The following SGCZ variants were observed in gnomAD, a reference collection of about 807,000 sequenced individuals.
SGCZ encodes the protein sarcoglycan zeta, also known as zeta-sarcoglycan.
A neutral mutation model predicts 41.3 loss-of-function variants in SGCZ; 40 were observed. That is an observed-to-expected ratio of 0.97 (90% CI 0.75 to 1.26). The LOEUF is 1.26. Among genes scored for constraint, SGCZ ranks in the 50% most tolerant of loss-of-function variants. SGCZ has a pLI of 0.00. For synonymous variants in SGCZ, 206 were observed against 137.5 expected (o/e 1.50, Z -3.49); for missense variants, 552 against 369.8 (o/e 1.49, Z -4.04).
At chr8:15,200,328 A>G (rs1800852120) in intron 1 of SGCZ, among the ~76,000 whole-genome samples, 1 of 152,196 alleles carries the variant, frequency 6.6e-6, no homozygotes. Context: ...CCTCATTAGA[A>G]TTCTACCAGG....
intron 2 of SGCZ, among the ~76,000 whole-genome samples, chr8:14,545,523 C>A (rs1467286856): frequency 6.6e-6 from 1 of 151,688 alleles, no homozygotes; most frequent in East Asian, 1.9e-4. Context: ...CTAAAAGCAT[C>A]ATATTATTTA....
intron 1 of SGCZ, among the ~76,000 whole-genome samples, chr8:14,645,614 A>AAAT (rs1196082114): frequency 6.6e-6 from 1 of 151,226 alleles, no homozygotes; most frequent in African/African-American, 2.4e-5. Context: ...ATCAGATTGA[A>AAAT]AATGATCTTT....
intron 5 of SGCZ, among the ~76,000 whole-genome samples, chr8:14,146,821 G>A (rs929903440): frequency 7.1e-6 from 1 of 140,566 alleles, no homozygotes; most frequent in Non-Finnish European, 1.5e-5. Flanking sequence ...GCAGTGAGCC[G>A]AGATCCCGCC....
At chr8:15,126,229 A>C (rs1807675665) in intron 1 of SGCZ, among the ~76,000 whole-genome samples, 1 of 152,224 alleles carries the variant, frequency 6.6e-6, no homozygotes, top group African/African-American at 2.4e-5. Flanking sequence ...CACAATGATT[A>C]ATGCTGTATT....
chr8:14,147,771 C>T (rs943595365), intron 5 of SGCZ, among the ~76,000 whole-genome samples: 1 of 152,054 alleles, frequency 6.6e-6, no homozygotes, highest in Admixed American at 6.6e-5. Flanking sequence ...TTTTCCTCAG[C>T]ATGTGGATCA....
chr8:15,123,603 T>C (rs550995109), intron 1 of SGCZ, among the ~76,000 whole-genome samples: 60 of 152,286 alleles, frequency 3.9e-4, no homozygotes, highest in African/African-American at 1.3e-3. Flanking sequence ...AGAACCTGGG[T>C]GTCTTAATAA....
chr8:14,508,110 T>A (rs565011377), intron 2 of SGCZ, among the ~76,000 whole-genome samples: 1 of 152,258 alleles, frequency 6.6e-6, no homozygotes, highest in South Asian at 2.1e-4. Context: ...GGTCACTGTA[T>A]TTGAACTGCA....
intron 4 of SGCZ, among the ~76,000 whole-genome samples, chr8:14,170,258 G>T (rs988310151): frequency 1.3e-5 from 2 of 152,034 alleles, no homozygotes; most frequent in Non-Finnish European, 2.9e-5. Context: ...ATTTCCTGAA[G>T]TAATGCTGTG....
intron 1 of SGCZ, among the ~76,000 whole-genome samples, chr8:15,002,133 C>G (rs1802447637): frequency 6.6e-6 from 1 of 150,692 alleles, no homozygotes; most frequent in South Asian, 2.1e-4. Context: ...ATGTAAGCCA[C>G]AGAACAGCAG....
chr8:15,128,362 G>A (rs533682198), intron 1 of SGCZ, among the ~76,000 whole-genome samples: 31 of 152,320 alleles, frequency 2.0e-4, no homozygotes, highest in Admixed American at 2.0e-3. Flanking sequence ...TTACCTCTGA[G>A]GAATGAAGTC....
At chr8:14,158,549 T>A (rs13269652) in intron 5 of SGCZ, among the ~76,000 whole-genome samples, 4 of 151,834 alleles carry the variant, frequency 2.6e-5, no homozygotes, top group Admixed American at 6.6e-5. Flanking sequence ...CCTTGCATCC[T>A]TCAATCCAAT....
chr8:15,076,549 A>G (rs899341348), intron 1 of SGCZ, among the ~76,000 whole-genome samples: 1 of 152,118 alleles, frequency 6.6e-6, no homozygotes, highest in Admixed American at 6.6e-5. Context: ...TTTGTCAATG[A>G]GATAGGCTTT....
At chr8:15,160,490 T>C (rs76934454) in intron 1 of SGCZ, among the ~76,000 whole-genome samples, 30,567 of 152,146 alleles carry the variant, frequency 0.2, 3,651 homozygotes, top group East Asian at 0.47. Context: ...AGTCCACTAG[T>C]GTAGATGGAC....
At chr8:15,119,153 T>C (rs950420688) in intron 1 of SGCZ, among the ~76,000 whole-genome samples, 3 of 152,118 alleles carry the variant, frequency 2.0e-5, no homozygotes, top group African/African-American at 7.2e-5. Context: ...CTAAAGAAAA[T>C]ATAACACAAT....
intron 5 of SGCZ, among the ~76,000 whole-genome samples, chr8:14,138,668 C>T (rs1803275960): frequency 6.6e-6 from 1 of 152,162 alleles, no homozygotes; most frequent in Non-Finnish European, 1.5e-5. Context: ...GCACCCAATA[C>T]AGGAGCACCC....
chr8:14,258,915 A>G (rs1190330407), intron 3 of SGCZ, among the ~76,000 whole-genome samples: 1 of 152,194 alleles, frequency 6.6e-6, no homozygotes, highest in East Asian at 1.9e-4. Flanking sequence ...GACATTATAA[A>G]TTATGTAGCA....
At chr8:14,615,641 T>C (rs916963334) in intron 1 of SGCZ, among the ~76,000 whole-genome samples, 1 of 152,192 alleles carries the variant, frequency 6.6e-6, no homozygotes, top group African/African-American at 2.4e-5. Context: ...GTAAGAGGTA[T>C]GCTACCTGGG....
At chr8:14,800,257 C>T (rs2246811) in intron 1 of SGCZ, among the ~76,000 whole-genome samples, 54,541 of 151,804 alleles carry the variant, frequency 0.36, 11,600 homozygotes, top group East Asian at 0.5. Flanking sequence ...ATTTTAAATA[C>T]CAAAAAGACA....
intron 1 of SGCZ, among the ~76,000 whole-genome samples, chr8:14,764,172 A>G (rs1363404399): frequency 6.6e-6 from 1 of 152,242 alleles, no homozygotes; most frequent in Admixed American, 6.5e-5. Context: ...AAAGAGACTG[A>G]GATTTTTGTA....
Sources: allele counts gnomAD v4.1 joint callset (sites outside exome capture counted in the v4.1 genomes callset), GRCh38; gene constraint gnomAD v4.1.1; transcripts MANE v1.5; gene names NCBI Gene and HGNC (gene_info 2026-07-23, HGNC 2026-07-21).